Variants in DLEC1 observed in about 807,000 individuals in gnomAD.
DLEC1 encodes deleted in lung and esophageal cancer protein 1.
Under a neutral mutation model 198.1 loss-of-function variants are expected in DLEC1, and 146 were observed. That is an observed-to-expected ratio of 0.74 (90% confidence interval 0.64 to 0.85). DLEC1 has a LOEUF of 0.85. DLEC1 is among the 40% of genes least tolerant of loss of function. DLEC1 has a pLI of 0.00. For synonymous variants in DLEC1, 897 were observed against 866.8 expected (o/e 1.03, Z -0.61); for missense variants, 2,233 against 2,220.0 (o/e 1.01, Z -0.12).
At chr3:38,103,962 A>G (rs1699435785) in intron 19 of DLEC1, among the ~76,000 whole-genome samples, 2 of 152,258 alleles carry the variant, frequency 1.3e-5, no homozygotes, top group African/African-American at 2.4e-5. Context: ...TAACAGCTAT[A>G]GCAAAAAAGT....
intron 2 of DLEC1, among the ~76,000 whole-genome samples, chr3:38,058,913 C>T (rs1456517682): frequency 6.6e-6 from 1 of 152,138 alleles, no homozygotes; most frequent in Non-Finnish European, 1.5e-5. Context: ...AAAGCCTTTT[C>T]CACCTCACCT....
intron 6 of DLEC1, among the ~76,000 whole-genome samples, chr3:38,067,656 C>T (rs1474725767): frequency 1.3e-5 from 2 of 152,074 alleles, no homozygotes; most frequent in African/African-American, 2.4e-5. Flanking sequence ...AGAATGTCTA[C>T]ACCACATAGC....
chr3:38,071,691 C>T (rs1028922553), intron 6 of DLEC1, among the ~76,000 whole-genome samples: 8 of 152,194 alleles, frequency 5.3e-5, no homozygotes, highest in African/African-American at 1.2e-4. Flanking sequence ...CTTTTGATGC[C>T]TCTTGCAGTG....
chr3:38,122,244 C>CT (rs1559471369), intron 36 of DLEC1, 45 bp from the exon 37 acceptor site: 3 of 1,608,626 alleles, frequency 1.9e-6, no homozygotes, highest in Non-Finnish European at 2.6e-6. Context: ...CCTGGACCCC[C>CT]TGCCCAGGTG....
intron 13 of DLEC1, 66 bp from the exon 14 acceptor site, chr3:38,095,822 C>T (rs889866869): frequency 6.3e-7 from 1 of 1,598,028 alleles, no homozygotes; most frequent in African/African-American, 1.3e-5. Context: ...TGCCATGCCC[C>T]AGCCTTCTCC....
At chr3:38,079,363 C>G (rs1380364763) in intron 6 of DLEC1, among the ~76,000 whole-genome samples, 1 of 152,114 alleles carries the variant, frequency 6.6e-6, no homozygotes, top group African/African-American at 2.4e-5. Flanking sequence ...CTGTCAATAC[C>G]CACAACAGTT....
At chr3:38,086,129 G>A (rs1254740054) in intron 8 of DLEC1, 112 bp from the exon 9 acceptor site, 2 of 1,440,844 alleles carry the variant, frequency 1.4e-6, no homozygotes, top group African/African-American at 1.4e-5. Context: ...ATAGGGTGCT[G>A]GGCTGGGACC....
In DLEC1 at chr3:38,112,493, G is replaced by A. The variant is rs1009863103; in HGVS notation, c.3666+132G>A. On this transcript the variant is annotated intron_variant, in intron 25 of 36. Transcript: ENST00000308059. This position sits in a 1 kb window ranked among gnomAD's most constrained non-coding sequence, Gnocchi z 4.8. Reference sequence around the variant, plus strand: ...ACCAGGTTGAAACGCGATGCCCACCGAGCTTGGGATGGGCATTCGTGTCTG... The same window carrying A: ...ACCAGGTTGAAACGCGATGCCCACCAAGCTTGGGATGGGCATTCGTGTCTG... The A allele has an allele frequency of 5.5e-5, 74 of 1,353,822 alleles. No homozygotes were observed. Among genetic ancestry groups the A allele is most frequent in the South Asian group, 5.4e-5 (4 of 73,560 alleles). The allele number at this position is 1,353,822 out of a possible 1,614,324, so 83.9% of individuals were successfully genotyped here. A position where few individuals can be genotyped will look rare whatever the true frequency, so the allele number is the denominator to read the frequency against.
chr3:38,094,883 G>C lies in DLEC1; in HGVS notation c.1924G>C (p.Val642Leu), dbSNP rs201339562. ...TTGGATGCGTTGCCCCCACAGGCAC[G>C]TGGAGCTGGCCTTCTACTGGCAGAT... ...KQLIIRNATH[V>L]ELAFYWQIMK... is the part of the protein sequence containing the mutation. The change falls in exon 13 of 37, where the codon GTG becomes CTG. Residue 642 changes from valine (V) to leucine (L), a missense_variant. Physicochemically the swap from Val to Leu is conservative, Grantham distance 32. Coordinates refer to ENST00000308059, the MANE Select transcript of DLEC1 (RefSeq NM_007335.4). 3 of 1,613,696 alleles carry C rather than the reference G, an allele frequency of 1.9e-6. No individual in the cohort carries two copies. Among genetic ancestry groups the C allele is most frequent in the Non-Finnish European group, 2.5e-6 (3 of 1,179,912 alleles).
chr3:38,043,881 G>T (rs1176113174), intron 1 of DLEC1, among the ~76,000 whole-genome samples: 2 of 152,020 alleles, frequency 1.3e-5, no homozygotes, highest in African/African-American at 2.4e-5. Context: ...TTTATTAAAA[G>T]AATGACTAAA....
intron 5 of DLEC1, 129 bp downstream of exon 5, chr3:38,062,930 C>A: frequency 1.0e-6 from 1 of 957,688 alleles, no homozygotes; most frequent in Non-Finnish European, 1.5e-6. Context: ...CAGAACAGAG[C>A]AGGGCTGCAG....
chr3:38,086,181 A>G, intron 8 of DLEC1, 60 bp from the exon 9 acceptor site: 2 of 1,551,990 alleles, frequency 1.3e-6, no homozygotes, highest in Non-Finnish European at 1.7e-6. Context: ...GAAGCATGAC[A>G]GTAGGGCCTA....
intron 10 of DLEC1, among the ~76,000 whole-genome samples, chr3:38,091,532 C>T (rs1016269694): frequency 2.0e-5 from 3 of 151,908 alleles, no homozygotes; most frequent in East Asian, 1.9e-4. Context: ...TTACCTCAAA[C>T]GAAAAAGCTT....
chr3:38,074,937 C>T lies in DLEC1; in HGVS notation c.1174-9221C>T, dbSNP rs1697523953. Among the ~76,000 whole-genome samples, 3 of 152,168 alleles carry T rather than the reference C, an allele frequency of 2.0e-5. No homozygotes were observed. In the South Asian group the frequency reaches 6.2e-4, roughly 32 times the overall value. ...ACTATGCCTTTAGCTCCAGCCACCT[C>T]TCTAAGAGGAAATTGTTGGGCGGGT... On this transcript the variant is annotated intron_variant, in intron 6 of 36. Coordinates refer to ENST00000308059, the MANE Select transcript of DLEC1 (RefSeq NM_007335.4).
intron 9 of DLEC1, among the ~76,000 whole-genome samples, 192 bp downstream of exon 9, chr3:38,086,569 T>C (rs1034197334): frequency 1.3e-5 from 2 of 152,222 alleles, no homozygotes; most frequent in African/African-American, 2.4e-5. Flanking sequence ...TCTGGTTATG[T>C]CACTAATACC....
intron 6 of DLEC1, among the ~76,000 whole-genome samples, chr3:38,069,155 A>T (rs553147084): frequency 6.6e-6 from 1 of 152,294 alleles, no homozygotes; most frequent in South Asian, 2.1e-4. Flanking sequence ...CCAGGGGAAG[A>T]GGGCAGTATT....
intron 9 of DLEC1, among the ~76,000 whole-genome samples, chr3:38,087,456 C>G (rs1368159466): frequency 6.7e-6 from 1 of 149,038 alleles, no homozygotes; most frequent in Non-Finnish European, 1.5e-5. Context: ...AGCATGCTCA[C>G]ACCATCCATC....
chr3:38,054,188 A>C (rs1448895805), intron 2 of DLEC1, among the ~76,000 whole-genome samples: 1 of 150,876 alleles, frequency 6.6e-6, no homozygotes, highest in African/African-American at 2.5e-5. Flanking sequence ...AAGAATGATC[A>C]ATAAATACTA....
At chr3:38,117,426 G>C in intron 31 of DLEC1, 101 bp from the exon 32 acceptor site, 1 of 1,599,258 alleles carries the variant, frequency 6.3e-7, no homozygotes, top group South Asian at 1.1e-5. Flanking sequence ...GTCAGCAGAG[G>C]AGCCCAGGGA....
Sources: gnomAD v4.1 joint callset for allele counts (sites outside exome capture counted in the v4.1 genomes callset) on GRCh38, gnomAD v4.1.1 for gene constraint, Gnocchi (gnomAD v3.1) non-coding constraint, MANE v1.5 for transcripts, NCBI Gene and HGNC (gene_info 2026-07-23, HGNC 2026-07-21) for gene names.